SEPTIN7: variants seen among roughly 807,000 people sequenced by gnomAD.
SEPTIN7 encodes the protein septin 7.
Under a neutral mutation model 63.3 loss-of-function variants are expected in SEPTIN7, and 10 were observed. The ratio of observed to expected loss-of-function variants is 0.16; its 90% CI spans 0.10 to 0.27. SEPTIN7 has a LOEUF of 0.27. Among genes scored for constraint, SEPTIN7 ranks in the 10% least tolerant of loss-of-function variants. The pLI, the probability that SEPTIN7 is intolerant of heterozygous loss-of-function variation, is 1.00. For synonymous variants in SEPTIN7, 131 were observed against 165.3 expected (o/e 0.79, Z 1.59); for missense variants, 310 against 521.0 (o/e 0.59, Z 3.94).
intron 3 of SEPTIN7, among the ~76,000 whole-genome samples, chr7:35,851,930 C>A (rs1293392881): frequency 6.6e-6 from 1 of 152,072 alleles, no homozygotes; most frequent in Non-Finnish European, 1.5e-5. Flanking sequence ...AGGCCAGTAC[C>A]CTTTAGTGTC....
chr7:35,872,564 C>T, intron 4 of SEPTIN7, 102 bp from the exon 5 acceptor site: 1 of 778,268 alleles, frequency 1.3e-6, no homozygotes. Flanking sequence ...CTAACAGTTT[C>T]CCAGTTGGTT....
At chr7:35,830,488 T>A (rs921697972) in intron 1 of SEPTIN7, among the ~76,000 whole-genome samples, 10 of 152,134 alleles carry the variant, frequency 6.6e-5, no homozygotes, top group African/African-American at 2.4e-4. Flanking sequence ...AGCTGAGACA[T>A]TAGGATTTTA....
intron 11 of SEPTIN7, among the ~76,000 whole-genome samples, chr7:35,895,180 CATTTAAT>C (rs1787886515): frequency 6.6e-6 from 1 of 151,956 alleles, no homozygotes; most frequent in Admixed American, 6.6e-5. Flanking sequence ...TTTTTCCAGC[CATTTAAT>C]AAAAGGTTTT....
intron 8 of SEPTIN7, among the ~76,000 whole-genome samples, chr7:35,883,462 G>C (rs1448540507): frequency 6.6e-6 from 1 of 152,016 alleles, no homozygotes; most frequent in African/African-American, 2.4e-5. Flanking sequence ...CAAAGTTAGA[G>C]CTTAACAAAT....
chr7:35,884,591 T>A (rs1164751217), intron 9 of SEPTIN7, among the ~76,000 whole-genome samples: 2 of 152,098 alleles, frequency 1.3e-5, no homozygotes, highest in Non-Finnish European at 2.9e-5. Flanking sequence ...AATCAAACAT[T>A]TGGAGAGAAG....
intron 10 of SEPTIN7, 147 bp downstream of exon 10, chr7:35,886,026 T>C: frequency 1.6e-6 from 1 of 607,886 alleles, no homozygotes; most frequent in Non-Finnish European, 2.8e-6. Context: ...ATATAGATGA[T>C]TCTTTCTCCA....
chr7:35,853,775 T>A (rs533133677), intron 3 of SEPTIN7, among the ~76,000 whole-genome samples: 1 of 152,244 alleles, frequency 6.6e-6, no homozygotes, highest in Admixed American at 6.5e-5. Context: ...TCAGATATGG[T>A]CCAACCTGGT....
chr7:35,859,301 C>T (rs1785377836), intron 3 of SEPTIN7, among the ~76,000 whole-genome samples: 1 of 151,994 alleles, frequency 6.6e-6, no homozygotes, highest in Non-Finnish European at 1.5e-5. Context: ...AAATATTTGT[C>T]AGTTTTCCTA....
At chr7:35,913,376 T>C in the SEPTIN7 span, among the ~76,000 whole-genome samples, 1 of 151,692 alleles carries the variant, frequency 6.6e-6, no homozygotes, top group Admixed American at 6.6e-5. Context: ...GGGACAAAAT[T>C]CTTTCTTTTT....
intron 7 of SEPTIN7, among the ~76,000 whole-genome samples, chr7:35,881,934 T>C (rs1786903195): frequency 6.6e-6 from 1 of 151,998 alleles, no homozygotes; most frequent in Non-Finnish European, 1.5e-5. Flanking sequence ...CCTGTGTCCT[T>C]CCCTAATCTT....
intron 11 of SEPTIN7, among the ~76,000 whole-genome samples, chr7:35,892,956 G>A (rs569358533): frequency 2.6e-5 from 4 of 152,140 alleles, no homozygotes; most frequent in Admixed American, 6.6e-5. Context: ...ATTGAATAAC[G>A]CATACTGAAC....
intron 4 of SEPTIN7, among the ~76,000 whole-genome samples, chr7:35,863,991 A>G (rs902624083): frequency 6.0e-5 from 9 of 150,404 alleles, no homozygotes; most frequent in Non-Finnish European, 1.3e-4. Flanking sequence ...TAAAAATGCA[A>G]TTTCTCATTT....
intron 7 of SEPTIN7, among the ~76,000 whole-genome samples, chr7:35,882,112 G>A (rs541952766): frequency 2.6e-5 from 4 of 151,940 alleles, no homozygotes; most frequent in South Asian, 4.2e-4. Flanking sequence ...AGATACTTGG[G>A]AATTTATATC....
chr7:35,899,160 T>A (rs1399566050), intron 12 of SEPTIN7: 1 of 152,126 alleles, frequency 6.6e-6, no homozygotes, highest in African/African-American at 2.4e-5. Context: ...CTGAGAATAG[T>A]AGAAAAAAAA....
intron 1 of SEPTIN7, among the ~76,000 whole-genome samples, chr7:35,826,025 G>A (rs11974631): frequency 1.3e-5 from 2 of 152,010 alleles, no homozygotes; most frequent in African/African-American, 4.8e-5. Flanking sequence ...CATAAAAACT[G>A]ATATTTAGGA....
At chr7:35,856,833 A>G (rs776549278) in intron 3 of SEPTIN7, among the ~76,000 whole-genome samples, 1 of 152,176 alleles carries the variant, frequency 6.6e-6, no homozygotes, top group African/African-American at 2.4e-5. Context: ...CTTCCAATTT[A>G]TAAGGAAATA....
chr7:35,830,814 T>A (rs949640054), intron 1 of SEPTIN7, among the ~76,000 whole-genome samples: 2 of 152,244 alleles, frequency 1.3e-5, no homozygotes, highest in African/African-American at 4.8e-5. Context: ...AGTTGCCTTT[T>A]AGTTTTCACA....
chr7:35,865,986 G>C (rs540778702), intron 4 of SEPTIN7, among the ~76,000 whole-genome samples: 2 of 152,200 alleles, frequency 1.3e-5, no homozygotes, highest in African/African-American at 4.8e-5. Flanking sequence ...TCTTTATCTT[G>C]AAAACAAAGG....
chr7:35,859,000 TTTTA>T (rs1785362022), intron 3 of SEPTIN7, among the ~76,000 whole-genome samples: 1 of 152,174 alleles, frequency 6.6e-6, no homozygotes, highest in Non-Finnish European at 1.5e-5. Context: ...TTAAAATCTC[TTTTA>T]TTTATCTCCG....
Sources: allele counts gnomAD v4.1 joint callset (sites outside exome capture counted in the v4.1 genomes callset), GRCh38; gene constraint gnomAD v4.1.1; transcripts MANE v1.5; gene names NCBI Gene and HGNC (gene_info 2026-07-23, HGNC 2026-07-21).